C2orf78: variants seen among roughly 807,000 people sequenced by gnomAD.
The protein encoded by C2orf78 is chromosome 2 open reading frame 78.
Under a neutral mutation model 21.4 loss-of-function variants are expected in C2orf78, and 12 were observed. That is an observed-to-expected ratio of 0.56 (90% CI 0.36 to 0.91). C2orf78 has a LOEUF of 0.91. Ranked by LOEUF, C2orf78 falls within the 40% of genes least tolerant of loss-of-function variation. The pLI is 0.01. For synonymous variants in C2orf78, 396 were observed against 413.9 expected, an observed-to-expected ratio of 0.96 and a Z score of 0.52; for missense variants, 1,042 against 1,092.4, an observed-to-expected ratio of 0.95 and a Z score of 0.65.
At chr2:73,812,988 G>C (rs1673118456) in intron 1 of C2orf78, among the ~76,000 whole-genome samples, 2 of 152,170 alleles carry the variant, frequency 1.3e-5, no homozygotes, top group South Asian at 4.1e-4. Context: ...TCTATGCTCA[G>C]AGAAAAGACT....
At chr2:73,810,807 A>T (rs1458937043) in intron 1 of C2orf78, among the ~76,000 whole-genome samples, 1 of 74,654 alleles carries the variant, frequency 1.3e-5, no homozygotes, top group East Asian at 4.4e-4. Flanking sequence ...TATATAATAT[A>T]CATGTATAAT....
exon 3 of C2orf78, chr2:73,816,404 C>G: frequency 6.2e-7 from 1 of 1,613,924 alleles, no homozygotes; most frequent in East Asian, 2.2e-5. Flanking sequence ...TGACCCTGGA[C>G]CAACCTCAAG....
At chr2:73,810,783 A>C (rs1278015140) in intron 1 of C2orf78, among the ~76,000 whole-genome samples, 3 of 118,064 alleles carry the variant, frequency 2.5e-5, no homozygotes, top group African/African-American at 9.4e-5. Flanking sequence ...TAAAATATAC[A>C]TGTATATTTT....
chr2:73,810,764 A>AT (rs1673070233), intron 1 of C2orf78, among the ~76,000 whole-genome samples: 1 of 129,326 alleles, frequency 7.7e-6, no homozygotes, highest in East Asian at 2.0e-4. Context: ...TGTATATATA[A>AT]TATATATATA....
rs1011467422 is a variant in C2orf78, at chr2:73,810,650, A to C, written c.98-2827A>C. ...TAATATATATATGTATATTTTATGT[A>C]TATATCTATAATATATATAATATAA... On this transcript the variant is annotated intron_variant, in intron 1 of 2. Coordinates refer to ENST00000409561, the Ensembl canonical transcript of C2orf78. Among the ~76,000 whole-genome samples, 135 of 135,410 alleles carry C rather than the reference A, an allele frequency of 1.0e-3. 1 individual carries two copies. Among genetic ancestry groups the C allele is most frequent in the Non-Finnish European group, 1.1e-3 (71 of 65,128 alleles). The allele number at this position is 135,410 out of a possible 152,430, so 88.8% of individuals were successfully genotyped here. A position where few individuals can be genotyped will look rare whatever the true frequency, so the allele number is the denominator to read the frequency against.
chr2:73,814,928 A>G, intron 2 of C2orf78, 143 bp from the exon 3 acceptor site: 1 of 697,382 alleles, frequency 1.4e-6, no homozygotes, highest in South Asian at 2.1e-5. Context: ...CCAATCTCCT[A>G]ATACAGGGTC....
At chr2:73,785,713 T>C (rs961002973) in intron 1 of C2orf78, among the ~76,000 whole-genome samples, 3 of 152,076 alleles carry the variant, frequency 2.0e-5, no homozygotes, top group African/African-American at 7.2e-5. Context: ...TTTTTGAACA[T>C]AGATGACACT....
intron 1 of C2orf78, among the ~76,000 whole-genome samples, chr2:73,811,196 C>A (rs183901300): frequency 1.7e-3 from 251 of 151,824 alleles, no homozygotes; most frequent in Admixed American, 4.3e-3. Flanking sequence ...GAGGCTTAGG[C>A]AGGAGAATCT....
intron 1 of C2orf78, among the ~76,000 whole-genome samples, chr2:73,811,483 C>T (rs35570205): frequency 4.1e-3 from 628 of 152,176 alleles, no homozygotes; most frequent in Middle Eastern, 0.01. Flanking sequence ...AGAACAATAC[C>T]TTTGCATGAA....
intron 1 of C2orf78, among the ~76,000 whole-genome samples, chr2:73,809,675 G>C (rs1194517227): frequency 6.6e-6 from 1 of 152,142 alleles, no homozygotes; most frequent in Admixed American, 6.6e-5. Flanking sequence ...TACTCAGGAA[G>C]CTGAGGTGGG....
chr2:73,814,984 G>C, intron 2 of C2orf78, 87 bp from the exon 3 acceptor site: 1 of 1,330,524 alleles, frequency 7.5e-7, no homozygotes, highest in East Asian at 2.3e-5. Context: ...CCTTGCCCAT[G>C]TTGGAAAGGT....
At chr2:73,808,469 T>C (rs1673004955) in intron 1 of C2orf78, among the ~76,000 whole-genome samples, 3 of 150,948 alleles carry the variant, frequency 2.0e-5, no homozygotes, top group Admixed American at 2.0e-4. Flanking sequence ...TGAACATTTA[T>C]GAGAAACATT....
At chr2:73,814,009 G>A in exon 2 of C2orf78, 1 of 1,614,028 alleles carries the variant, frequency 6.2e-7, no homozygotes, top group Non-Finnish European at 8.5e-7. Flanking sequence ...TAGGAAGCCA[G>A]GTCTATTACT....
exon 3 of C2orf78, chr2:73,816,002 A>C: frequency 1.2e-6 from 2 of 1,614,012 alleles, no homozygotes; most frequent in South Asian, 1.1e-5. Flanking sequence ...CAGGGAAAAA[A>C]GTCAAGGTAG....
exon 3 of C2orf78, chr2:73,816,129 G>A (rs1050048198): frequency 1.1e-5 from 18 of 1,613,946 alleles, no homozygotes; most frequent in Non-Finnish European, 1.5e-5. Flanking sequence ...GTCCGTGCAA[G>A]TTTTCCATGC....
At chr2:73,814,809 C>T (rs1164788010) in intron 2 of C2orf78, among the ~76,000 whole-genome samples, 1 of 152,194 alleles carries the variant, frequency 6.6e-6, no homozygotes, top group African/African-American at 2.4e-5. Flanking sequence ...TAAAACATCT[C>T]CTATTTTAAA....
chr2:73,814,875 A>G, intron 2 of C2orf78, among the ~76,000 whole-genome samples, 196 bp from the exon 3 acceptor site: 1 of 152,226 alleles, frequency 6.6e-6, no homozygotes, highest in Non-Finnish European at 1.5e-5. Flanking sequence ...GAAAACCAAG[A>G]AACAATCACA....
chr2:73,813,746 T>C, exon 2 of C2orf78: 1 of 1,614,052 alleles, frequency 6.2e-7, no homozygotes. Flanking sequence ...AGCTGCCTCT[T>C]ATCCAGGCGT....
intron 1 of C2orf78, chr2:73,808,881 C>G: frequency 8.0e-7 from 1 of 1,253,756 alleles, no homozygotes. Flanking sequence ...GTTGATGTTT[C>G]TTCTTCTCTG....
Sources: gnomAD v4.1 joint callset for allele counts (sites outside exome capture counted in the v4.1 genomes callset) on GRCh38, gnomAD v4.1.1 for gene constraint, MANE v1.5 for transcripts, NCBI Gene and HGNC (gene_info 2026-07-23, HGNC 2026-07-21) for gene names.